Variants in WDR72 observed in about 807,000 individuals in gnomAD.
The protein encoded by WDR72 is WD repeat-containing protein 72.
A neutral mutation model predicts 124.2 loss-of-function variants in WDR72; 120 were observed. That is an observed-to-expected ratio of 0.97 (90% confidence interval 0.83 to 1.12). WDR72 has a LOEUF of 1.12. Among genes scored for constraint, WDR72 ranks in the 50% most tolerant of loss-of-function variants. The pLI, the probability that WDR72 is intolerant of heterozygous loss-of-function variation, is 0.00. For synonymous variants in WDR72, 452 were observed against 441.7 expected, an observed-to-expected ratio of 1.02 and a Z score of -0.29; for missense variants, 1,387 against 1,278.8, an observed-to-expected ratio of 1.08 and a Z score of -1.29.
At position 53,523,312 on chromosome 15, in the gene WDR72, G is replaced by A. The variant is rs1287126048; in HGVS notation, c.3159C>T (p.Ser1053=). ...TTGAGTTGCTGTCATGCTTGACCGG[G>A]CTGACTGGAGCTATTAAAAGAGAGA... is the stretch of plus-strand genomic sequence containing the variant. ...RNTLPLQTPV[S]PVKHDSNSNS... Residue 1053 remains serine (S), a synonymous_variant, in exon 19 of 20, where the codon AGC becomes AGT. Transcript: ENST00000360509. 2.5e-6 allele frequency: 4 copies of A among 1,611,598 alleles called. No homozygotes were observed. Among genetic ancestry groups the A allele is most frequent in the African/African-American group, 2.7e-5 (2 of 74,472 alleles).
chr15:53,628,672 T>G lies in WDR72; in HGVS notation c.1963-12429A>C, dbSNP rs186179340. 8.1e-4 allele frequency among the ~76,000 whole-genome samples: 123 copies of G among 152,296 alleles called. 1 individual carries two copies. The highest frequency in any genetic ancestry group is 2.9e-3 in the African/African-American group (121 of 41,580). ...TGCTTACATCTTTGCTGTTAAAAAT[T>G]TCAAATAACTAAATTTGTGTTATGA... On this transcript the variant is annotated intron_variant, in intron 14 of 19. Coordinates refer to ENST00000360509, the MANE Select transcript of WDR72 (RefSeq NM_182758.4).
intron 18 of WDR72, among the ~76,000 whole-genome samples, chr15:53,548,376 T>A (rs1893579962): frequency 6.6e-6 from 1 of 152,210 alleles, no homozygotes; most frequent in African/African-American, 2.4e-5. Context: ...GGCTCTCAGA[T>A]GCAGCAGGGT....
intron 18 of WDR72, among the ~76,000 whole-genome samples, chr15:53,528,840 A>G (rs1892268348): frequency 6.6e-6 from 1 of 152,018 alleles, no homozygotes; most frequent in African/African-American, 2.4e-5. Context: ...ACATTGCTGT[A>G]TTCCTCTCAA....
At chr15:53,623,506 C>T (rs879408384) in intron 14 of WDR72, among the ~76,000 whole-genome samples, 11 of 151,454 alleles carry the variant, frequency 7.3e-5, no homozygotes, top group Non-Finnish European at 1.5e-4. Context: ...CACACATACA[C>T]ATACACATAC....
chr15:53,693,798 T>C (rs1595855522), intron 13 of WDR72, among the ~76,000 whole-genome samples: 1 of 152,340 alleles, frequency 6.6e-6, no homozygotes, highest in Admixed American at 6.5e-5. Context: ...CCTTAATTTC[T>C]TATGAATAGG....
chr15:53,561,152 G>A (rs955984367), intron 18 of WDR72, among the ~76,000 whole-genome samples: 1 of 151,780 alleles, frequency 6.6e-6, no homozygotes, highest in Non-Finnish European at 1.5e-5. Context: ...GAGACAACTG[G>A]TGTAGCACAT....
chr15:53,722,876 T>C lies in WDR72; in HGVS notation c.186A>G (p.Ser62=). 6.2e-7 allele frequency: 1 copy of C among 1,614,164 alleles called. No individual in the cohort carries two copies. The highest frequency in any genetic ancestry group is 1.1e-5 in the South Asian group (1 of 91,086). ...ISAKELLFGH[S]ASVTCLARAR... Reference sequence around the variant, plus strand: ...CTCTTGCCAAACATGTTACCGAAGCTGAATGACCAAATAGGAGTTCTTTCG... The same window carrying C: ...CTCTTGCCAAACATGTTACCGAAGCCGAATGACCAAATAGGAGTTCTTTCG... Residue 62 remains serine (S), a synonymous_variant, in exon 3 of 20, where the codon TCA becomes TCG. Coordinates refer to ENST00000360509, the MANE Select transcript of WDR72 (RefSeq NM_182758.4).
At chr15:53,664,278 T>C (rs1453364052) in intron 14 of WDR72, among the ~76,000 whole-genome samples, 1 of 152,190 alleles carries the variant, frequency 6.6e-6, no homozygotes, top group Non-Finnish European at 1.5e-5. Flanking sequence ...TACCAAGCAA[T>C]AACCAGAATG....
intron 18 of WDR72, among the ~76,000 whole-genome samples, chr15:53,533,444 T>C (rs1032711389): frequency 6.6e-6 from 1 of 152,004 alleles, no homozygotes; most frequent in African/African-American, 2.4e-5. Context: ...TATCCAATAA[T>C]AGGTATCTTT....
chr15:53,538,105 G>A (rs1333468394), intron 18 of WDR72, among the ~76,000 whole-genome samples: 2 of 151,950 alleles, frequency 1.3e-5, no homozygotes, highest in South Asian at 4.2e-4. Context: ...TTAATTTTTT[G>A]CTGATAAATT....
chr15:53,621,430 G>GATATATATATAT lies in WDR72; in HGVS notation c.1963-5199_1963-5188dup, dbSNP rs57355125. On this transcript the variant is annotated intron_variant, in intron 14 of 19. Transcript: ENST00000360509. ...ATCAATGAGTGGATAAAGAAACTGT[G>GATATATATATAT]ATATATATATATATATATATATATA... Among the ~76,000 whole-genome samples, 531 of 124,312 alleles carry GATATATATATAT rather than the reference G, an allele frequency of 4.3e-3. 13 individuals are homozygous for GATATATATATAT. Among genetic ancestry groups the GATATATATATAT allele is most frequent in the African/African-American group, 0.014 (379 of 27,582 alleles). 81.6% of individuals were successfully genotyped at this position (124,312 alleles called of 152,430 possible).
intron 18 of WDR72, among the ~76,000 whole-genome samples, chr15:53,546,180 C>A (rs1024550256): frequency 2.0e-5 from 3 of 146,730 alleles, no homozygotes; most frequent in African/African-American, 7.6e-5. Flanking sequence ...ACCCAAAGGA[C>A]TATAAATCAT....
At chr15:53,654,336 C>T (rs117295747) in intron 14 of WDR72, among the ~76,000 whole-genome samples, 7 of 152,122 alleles carry the variant, frequency 4.6e-5, no homozygotes, top group Non-Finnish European at 7.4e-5. Flanking sequence ...AATTAAATAC[C>T]CATTTATTAT....
chr15:53,661,627 T>A (rs112005970), intron 14 of WDR72, among the ~76,000 whole-genome samples: 2 of 152,136 alleles, frequency 1.3e-5, no homozygotes, highest in Non-Finnish European at 2.9e-5. Context: ...TTCATCATTG[T>A]CTAATACAAA....
chr15:53,624,982 G>A (rs1300113286), intron 14 of WDR72, among the ~76,000 whole-genome samples: 1 of 152,132 alleles, frequency 6.6e-6, no homozygotes, highest in Non-Finnish European at 1.5e-5. Flanking sequence ...AAAGGCTGTA[G>A]TTAATATTAA....
upstream of WDR72, among the ~76,000 whole-genome samples, chr15:53,761,929 G>A (rs1048660686): frequency 5.3e-5 from 8 of 152,120 alleles, no homozygotes; most frequent in African/African-American, 1.9e-4. Context: ...ATTCAACATT[G>A]AAACCAGCAT....
intron 18 of WDR72, among the ~76,000 whole-genome samples, chr15:53,536,504 G>A (rs1008850713): frequency 1.3e-5 from 2 of 152,090 alleles, no homozygotes; most frequent in Non-Finnish European, 2.9e-5. Context: ...TCCAAAGAAA[G>A]GAAGGGTGCC....
rs1891335989 is a variant in WDR72 at position 53,514,668 on chromosome 15, CAG to C, written c.*3029_*3030del. 1 of 152,028 alleles carries C rather than the reference CAG, an allele frequency of 6.6e-6. No homozygotes were observed. The highest frequency in any genetic ancestry group is 2.4e-5 in the African/African-American group (1 of 41,376). The allele number at this position is 152,028 out of a possible 1,614,324, so 9.4% of individuals were successfully genotyped here. The stretch of plus-strand genomic sequence containing the variant: ...CTTAATTTAGTTTCTAAAATAGTAA[CAG>C]AATGTTTGATACCTGGGGCTACTTT... On this transcript the variant is annotated 3_prime_UTR_variant, in exon 20 of 20. Transcript: ENST00000360509.
chr15:53,616,095 G>T lies in WDR72; in HGVS notation c.2111C>A (p.Ser704Tyr). The T allele has an allele frequency of 6.2e-7, 1 of 1,605,494 alleles. No individual in the cohort carries two copies. Among genetic ancestry groups the T allele is most frequent in the South Asian group, 1.1e-5 (1 of 90,312 alleles). ...LPTPLSDVDS[S>Y]SSFYGGEVLR... ...GACCTCACCACCATAGAATGAACTG[G>T]AAGAGTCAACATCACTGAGTGGAGT... The change falls in exon 15 of 20, where the codon TCC (serine) becomes TAC (tyrosine). Residue 704 changes from serine to tyrosine, a missense_variant. Ser to Tyr is a moderately radical substitution (Grantham distance 144, BLOSUM62 -2). Coordinates refer to ENST00000360509, the MANE Select transcript of WDR72 (RefSeq NM_182758.4).
Sources: allele counts gnomAD v4.1 joint callset (sites outside exome capture counted in the v4.1 genomes callset), GRCh38; gene constraint gnomAD v4.1.1; transcripts MANE v1.5; gene names NCBI Gene and HGNC (gene_info 2026-07-23, HGNC 2026-07-21).